The following ADARB2 variants were observed in gnomAD, a reference collection of about 807,000 sequenced individuals.
ADARB2 encodes the protein inactive double-stranded RNA-specific editase B2.
A neutral mutation model predicts 62.2 loss-of-function variants in ADARB2; 25 were observed. The ratio of observed to expected loss-of-function variants is 0.40; its 90% CI spans 0.29 to 0.56. The LOEUF (loss-of-function observed/expected upper bound fraction) is 0.56, where lower values mean the gene tolerates loss of function less well. Ranked by LOEUF, ADARB2 falls within the 20% of genes least tolerant of loss-of-function variation. The pLI, the probability that ADARB2 is intolerant of heterozygous loss-of-function variation, is 0.43. For synonymous variants in ADARB2, 572 were observed against 500.8 expected (o/e 1.14, Z -1.90); for missense variants, 1,071 against 1,077.4 (o/e 0.99, Z 0.08).
intron 6 of ADARB2, among the ~76,000 whole-genome samples, chr10:1,217,373 T>C (rs986529053): frequency 2.6e-5 from 4 of 152,116 alleles, no homozygotes; most frequent in Non-Finnish European, 5.9e-5. Context: ...GGCCAGACTC[T>C]CTTTTCACCA....
intron 1 of ADARB2, among the ~76,000 whole-genome samples, chr10:1,575,257 A>G (rs61834162): frequency 6.6e-6 from 1 of 151,220 alleles, no homozygotes; most frequent in African/African-American, 2.4e-5. Flanking sequence ...AAAAAAAATT[A>G]AAACTAATAT....
intron 3 of ADARB2, among the ~76,000 whole-genome samples, chr10:1,318,853 G>A (rs982649358): frequency 5.3e-5 from 8 of 152,176 alleles, no homozygotes; most frequent in Non-Finnish European, 1.0e-4. Context: ...ACAAATTCCC[G>A]TGGTGGGTAA....
At chr10:1,417,044 A>T (rs1370418729) in intron 1 of ADARB2, among the ~76,000 whole-genome samples, 1 of 152,190 alleles carries the variant, frequency 6.6e-6, no homozygotes, top group Non-Finnish European at 1.5e-5. Flanking sequence ...ATAGTCAGGA[A>T]GCATAGATCA....
chr10:1,313,513 T>C (rs1214801817), intron 3 of ADARB2, among the ~76,000 whole-genome samples: 1 of 152,098 alleles, frequency 6.6e-6, no homozygotes, highest in Non-Finnish European at 1.5e-5. Flanking sequence ...GTGGGCCAAT[T>C]GTAGTGACAA....
rs374270018 is a variant in ADARB2 at position 1,186,482 on chromosome 10, C to T, written c.1865-1443G>A. ...TGCCTCCTGAATCTCCCACCTCCCG[C>T]GGCACCTGCATGGCCTCTACCTGAC... On this transcript the variant is annotated intron_variant, in intron 8 of 9. Transcript: ENST00000381312. 3.2e-4 allele frequency: 166 copies of T among 518,974 alleles called. 1 individual carries two copies. Among genetic ancestry groups the T allele is most frequent in the South Asian group, 2.0e-3 (145 of 71,558 alleles). The allele number at this position is 518,974 out of a possible 1,614,324, so 32.1% of individuals were successfully genotyped here. A position where few individuals can be genotyped will look rare whatever the true frequency, so the allele number is the denominator to read the frequency against.
At chr10:1,245,974 T>C (rs938301179) in intron 4 of ADARB2, among the ~76,000 whole-genome samples, 2 of 151,764 alleles carry the variant, frequency 1.3e-5, no homozygotes, top group Non-Finnish European at 2.9e-5. Context: ...AGTGTTCCTA[T>C]TTCTCCACAT....
chr10:1,293,227 G>GGGAGGGAGAGAGGGACA lies in ADARB2; in HGVS notation c.1078-22159_1078-22158insTGTCCCTCTCTCCCTCC, dbSNP rs1564248794. 9.4e-5 allele frequency among the ~76,000 whole-genome samples: 10 copies of GGGAGGGAGAGAGGGACA among 106,258 alleles called. No individual in the cohort carries two copies. In the East Asian group the frequency reaches 2.4e-3, roughly 26 times the overall value. The allele number at this position is 106,258 out of a possible 152,430, so 69.7% of individuals were successfully genotyped here. A position where few individuals can be genotyped will look rare whatever the true frequency, so the allele number is the denominator to read the frequency against. On this transcript the variant is annotated intron_variant, in intron 3 of 9. Transcript: ENST00000381312. ...AAGAGGGAGGGAGGGAGAGAGGGAC[G>GGGAGGGAGAGAGGGACA]GGGAGGGAGAGAGGGACGGGGGGAG...
At chr10:1,499,313 G>A (rs903829688) in intron 1 of ADARB2, among the ~76,000 whole-genome samples, 8 of 150,120 alleles carry the variant, frequency 5.3e-5, no homozygotes, top group East Asian at 2.0e-4. Flanking sequence ...TACTCATCAC[G>A]CATTCATTAC....
At chr10:1,711,405 G>C (rs915867704) in intron 1 of ADARB2, among the ~76,000 whole-genome samples, 2 of 152,198 alleles carry the variant, frequency 1.3e-5, no homozygotes, top group Admixed American at 1.3e-4. Flanking sequence ...ACCCCTGGCG[G>C]AGACCAGCAT....
At chr10:1,554,913 T>G (rs1007700648) in intron 1 of ADARB2, among the ~76,000 whole-genome samples, 1 of 152,088 alleles carries the variant, frequency 6.6e-6, no homozygotes, top group African/African-American at 2.4e-5. Context: ...GGTCCATTGC[T>G]CCCATCTTTA....
chr10:1,605,841 G>C (rs746769644), intron 1 of ADARB2, among the ~76,000 whole-genome samples: 3 of 152,178 alleles, frequency 2.0e-5, no homozygotes, highest in Non-Finnish European at 4.4e-5. Context: ...ACGTTAAGAG[G>C]ACTAGCAGCC....
At chr10:1,540,399 G>C (rs1316984436) in intron 1 of ADARB2, among the ~76,000 whole-genome samples, 4 of 132,558 alleles carry the variant, frequency 3.0e-5, no homozygotes, top group Non-Finnish European at 6.9e-5. Flanking sequence ...GGGCACGTGA[G>C]TCTCACCTGC....
At chr10:1,369,848 C>T (rs904672347) in intron 2 of ADARB2, among the ~76,000 whole-genome samples, 3 of 152,202 alleles carry the variant, frequency 2.0e-5, no homozygotes, top group Non-Finnish European at 4.4e-5. Flanking sequence ...CCTGTCTTCT[C>T]TCAGGAAGCT....
At chr10:1,214,073 ATAGGTTTGCACCTGTGTCCAGCATCGTG>A (rs1473217900) in intron 7 of ADARB2, among the ~76,000 whole-genome samples, 11 of 142,604 alleles carry the variant, frequency 7.7e-5, no homozygotes, top group Non-Finnish European at 1.2e-4. Flanking sequence ...CCGGTGACAC[ATAGGTTTGCACCTGTGTCCAGCATCGTG>A]TAGGTTTGCA....
chr10:1,657,102 T>C (rs989769232), intron 1 of ADARB2, among the ~76,000 whole-genome samples: 15 of 152,098 alleles, frequency 9.9e-5, no homozygotes, highest in East Asian at 1.9e-4. Flanking sequence ...ATTTTTTTTT[T>C]CCACAACGTA....
intron 1 of ADARB2, among the ~76,000 whole-genome samples, chr10:1,414,270 T>G (rs909205151): frequency 6.6e-6 from 1 of 152,226 alleles, no homozygotes; most frequent in African/African-American, 2.4e-5. Context: ...AGTGCTTGCA[T>G]GTCTGACATA....
chr10:1,404,643 C>G (rs1832691858), intron 1 of ADARB2, among the ~76,000 whole-genome samples: 3 of 152,204 alleles, frequency 2.0e-5, no homozygotes, highest in African/African-American at 7.2e-5. Flanking sequence ...AAAACCTCTC[C>G]TCTCTGGTGC....
intron 1 of ADARB2, among the ~76,000 whole-genome samples, chr10:1,555,307 G>A (rs766401747): frequency 4.1e-4 from 62 of 152,200 alleles, no homozygotes; most frequent in Admixed American, 7.2e-4. Flanking sequence ...TTCCCACAGT[G>A]GCTGAGCGAA....
At chr10:1,269,257 CTGTG>C (rs1831236303) in intron 4 of ADARB2, among the ~76,000 whole-genome samples, 1 of 152,146 alleles carries the variant, frequency 6.6e-6, no homozygotes, top group African/African-American at 2.4e-5. Flanking sequence ...ACCAGCAACC[CTGTG>C]TGTATGTAAT....
Sources: allele counts gnomAD v4.1 joint callset (sites outside exome capture counted in the v4.1 genomes callset), GRCh38; gene constraint gnomAD v4.1.1; transcripts MANE v1.5; gene names NCBI Gene and HGNC (gene_info 2026-07-23, HGNC 2026-07-21).